PPP6R3: variants seen among roughly 807,000 people sequenced by gnomAD.
The protein encoded by PPP6R3 is serine/threonine-protein phosphatase 6 regulatory subunit 3.
In PPP6R3, 38 loss-of-function variants were observed where a neutral mutation model predicts 110.7. That is an observed-to-expected ratio of 0.34 (90% CI 0.26 to 0.45). The LOEUF (loss-of-function observed/expected upper bound fraction) is 0.45. Ranked by LOEUF, PPP6R3 falls within the 20% of genes least tolerant of loss-of-function variation. The pLI is 1.00. For missense variants in PPP6R3, 870 were observed against 1,062.4 expected, an observed-to-expected ratio of 0.82 and a Z score of 2.52; for synonymous variants, 369 against 373.5, an observed-to-expected ratio of 0.99 and a Z score of 0.14.
intron 9 of PPP6R3, among the ~76,000 whole-genome samples, 178 bp from the exon 10 acceptor site, chr11:68,566,836 T>C (rs2099474162): frequency 6.6e-6 from 1 of 152,224 alleles, no homozygotes; most frequent in Non-Finnish European, 1.5e-5. Flanking sequence ...TTTTCCTTTT[T>C]CCTGCTTGGT....
At chr11:68,540,028 C>T (rs1432192839) in intron 3 of PPP6R3, among the ~76,000 whole-genome samples, 1 of 152,072 alleles carries the variant, frequency 6.6e-6, no homozygotes, top group Non-Finnish European at 1.5e-5. Context: ...AGAGAAGGGG[C>T]AGCATTGTGA....
At chr11:68,546,305 G>T (rs188638436) in intron 4 of PPP6R3, among the ~76,000 whole-genome samples, 2 of 152,288 alleles carry the variant, frequency 1.3e-5, no homozygotes, top group Admixed American at 6.5e-5. Flanking sequence ...TTACCAGGCA[G>T]TTCTCAGGGA....
intron 23 of PPP6R3, among the ~76,000 whole-genome samples, chr11:68,612,074 T>C (rs1239550493): frequency 6.6e-6 from 1 of 152,240 alleles, no homozygotes; most frequent in African/African-American, 2.4e-5. Flanking sequence ...GAGGGTTCTT[T>C]TCCCATTTTA....
At chr11:68,537,232 T>C (rs1286502886) in intron 2 of PPP6R3, among the ~76,000 whole-genome samples, 1 of 152,250 alleles carries the variant, frequency 6.6e-6, no homozygotes, top group Non-Finnish European at 1.5e-5. Context: ...AAAGTACTGG[T>C]TTGCAGTGAT....
At chr11:68,609,647 G>C in intron 22 of PPP6R3, 1 of 1,554,122 alleles carries the variant, frequency 6.4e-7, no homozygotes, top group African/African-American at 1.4e-5. Flanking sequence ...AGTGTTATGG[G>C]ACCGTTCTTT....
At chr11:68,469,529 A>G (rs2098774326) in intron 1 of PPP6R3, among the ~76,000 whole-genome samples, 1 of 150,584 alleles carries the variant, frequency 6.6e-6, no homozygotes, top group African/African-American at 2.4e-5. Context: ...ACATGCTACT[A>G]CACCCAGGTA....
intron 19 of PPP6R3, 128 bp from the exon 20 acceptor site, chr11:68,600,213 C>A: frequency 9.6e-7 from 1 of 1,040,258 alleles, no homozygotes; most frequent in Non-Finnish European, 1.5e-6. Context: ...TCCGCTCCTG[C>A]CCTCATTGGT....
chr11:68,584,502 T>C (rs900355851), intron 15 of PPP6R3, among the ~76,000 whole-genome samples: 2 of 152,234 alleles, frequency 1.3e-5, no homozygotes, highest in Non-Finnish European at 2.9e-5. Flanking sequence ...TTTGTACCTG[T>C]TGAAATACAG....
intron 23 of PPP6R3, 59 bp from the exon 24 acceptor site, chr11:68,613,007 G>GGTTTT: frequency 3.7e-6 from 6 of 1,613,418 alleles, no homozygotes; most frequent in Non-Finnish European, 5.1e-6. Flanking sequence ...CAGCTAAGTA[G>GGTTTT]GTTTTGTTTT....
intron 1 of PPP6R3, among the ~76,000 whole-genome samples, chr11:68,497,819 A>C (rs2153465499): frequency 6.6e-6 from 1 of 152,302 alleles, no homozygotes; most frequent in Middle Eastern, 3.4e-3. Flanking sequence ...CATATCTAAG[A>C]AAGTTTTGCC....
At chr11:68,501,897 C>A (rs1042752021) in intron 1 of PPP6R3, among the ~76,000 whole-genome samples, 1 of 152,206 alleles carries the variant, frequency 6.6e-6, no homozygotes, top group African/African-American at 2.4e-5. Flanking sequence ...TTAACAGGTT[C>A]TTGGAAGCTG....
At chr11:68,563,121 C>G (rs1293535035) in intron 8 of PPP6R3, among the ~76,000 whole-genome samples, 1 of 148,676 alleles carries the variant, frequency 6.7e-6, no homozygotes, top group Non-Finnish European at 1.5e-5. Context: ...AAAAAAAAAG[C>G]CAGGCATGGT....
chr11:68,600,560 G>A, intron 20 of PPP6R3, 66 bp downstream of exon 20: 1 of 1,531,022 alleles, frequency 6.5e-7, no homozygotes, highest in Non-Finnish European at 8.8e-7. Context: ...GGTGTTTGCT[G>A]TTAACGTGTG....
At chr11:68,466,814 C>T (rs1385568697) in intron 1 of PPP6R3, among the ~76,000 whole-genome samples, 6 of 152,180 alleles carry the variant, frequency 3.9e-5, no homozygotes, top group East Asian at 3.8e-4. Context: ...GGGGTTTCTC[C>T]GTGTTAGCCA....
chr11:68,596,819 C>T (rs1393166874), intron 19 of PPP6R3, among the ~76,000 whole-genome samples: 1 of 152,148 alleles, frequency 6.6e-6, no homozygotes, highest in Non-Finnish European at 1.5e-5. Context: ...GGGCTGATAG[C>T]GAGGCTTGCC....
Position 68,554,393 on chromosome 11 carries a change from G to C in PPP6R3, c.731+136G>C, listed in dbSNP as rs1593046025. 5.4e-6 allele frequency: 3 copies of C among 558,932 alleles called. No homozygotes were observed. The East Asian group carries it at 9.7e-5, about 18-fold the overall frequency. The allele number at this position is 558,932 out of a possible 1,614,324, so 34.6% of individuals were successfully genotyped here. On this transcript the variant is annotated intron_variant, in intron 7 of 23. Coordinates refer to ENST00000393800, the MANE Select transcript of PPP6R3 (RefSeq NM_001164161.2). Reference sequence around the variant, plus strand: ...ATAACCTTGGGTGGGTGAGAAGGTAGGGAAACCTGCTTCTTTTATCTCAGT... The same window carrying C: ...ATAACCTTGGGTGGGTGAGAAGGTACGGAAACCTGCTTCTTTTATCTCAGT...
At chr11:68,612,206 A>C (rs528880879) in intron 23 of PPP6R3, among the ~76,000 whole-genome samples, 1 of 152,168 alleles carries the variant, frequency 6.6e-6, no homozygotes, top group Non-Finnish European at 1.5e-5. Context: ...CTCGATTCCT[A>C]TGTCTCTCAT....
chr11:68,603,639 T>C (rs899138733), intron 22 of PPP6R3, 147 bp downstream of exon 22: 15 of 1,026,920 alleles, frequency 1.5e-5, no homozygotes, highest in Non-Finnish European at 2.1e-5. Context: ...TTAAACACAA[T>C]AAATCTTAAT....
chr11:68,585,593 AAC>A (rs2099575698), intron 15 of PPP6R3, among the ~76,000 whole-genome samples: 1 of 152,246 alleles, frequency 6.6e-6, no homozygotes, highest in Non-Finnish European at 1.5e-5. Context: ...AGGATACAAT[AAC>A]AGTCTTCACT....
Sources: allele counts gnomAD v4.1 joint callset (sites outside exome capture counted in the v4.1 genomes callset), GRCh38; gene constraint gnomAD v4.1.1; transcripts MANE v1.5; gene names NCBI Gene and HGNC (gene_info 2026-07-23, HGNC 2026-07-21).